RAP1A: variants seen among roughly 807,000 people sequenced by gnomAD.
The protein encoded by RAP1A is ras-related protein Rap-1A.
Under a neutral mutation model 26.4 loss-of-function variants are expected in RAP1A, and 6 were observed. That is an observed-to-expected ratio of 0.23 (90% CI 0.12 to 0.45). The LOEUF is 0.45. Among genes scored for constraint, RAP1A ranks in the 20% least tolerant of loss-of-function variants. RAP1A has a pLI of 0.99. For missense variants in RAP1A, 121 were observed against 217.2 expected (o/e 0.56, Z 2.78); for synonymous variants, 73 against 79.4 (o/e 0.92, Z 0.43).
chr1:111,658,455 AC>A (rs1233906459), intron 1 of RAP1A, among the ~76,000 whole-genome samples: 1 of 152,192 alleles, frequency 6.6e-6, no homozygotes, highest in African/African-American at 2.4e-5. Flanking sequence ...AGCTTAAAAC[AC>A]AAACACATTG....
intron 1 of RAP1A, among the ~76,000 whole-genome samples, chr1:111,631,848 A>G (rs1659577100): frequency 6.6e-6 from 1 of 152,132 alleles, no homozygotes; most frequent in Non-Finnish European, 1.5e-5. Context: ...AACACTTACA[A>G]AGTATAATTT....
intron 1 of RAP1A, among the ~76,000 whole-genome samples, chr1:111,551,769 T>TTTTC (rs1394337722): frequency 2.0e-5 from 3 of 151,712 alleles, no homozygotes; most frequent in Non-Finnish European, 2.9e-5. Context: ...TTGTTTTGTT[T>TTTTC]TTTTGAGATG....
chr1:111,675,348 T>C (rs1170139250), intron 1 of RAP1A, among the ~76,000 whole-genome samples: 4 of 152,208 alleles, frequency 2.6e-5, no homozygotes, highest in Non-Finnish European at 5.9e-5. Flanking sequence ...GGCGGGCACC[T>C]GTAGTCTCAG....
chr1:111,558,384 G>T (rs2101044107), intron 1 of RAP1A, among the ~76,000 whole-genome samples: 1 of 150,626 alleles, frequency 6.6e-6, no homozygotes, highest in African/African-American at 2.4e-5. Context: ...ACAGGGTTTT[G>T]CCATGTTGCC....
rs545874496 is a variant in RAP1A at position 111,713,933 on chromosome 1, G to C, written c.*1532G>C. 6.6e-6 allele frequency: 1 copy of C among 152,308 alleles called. No individual in the cohort carries two copies. Among genetic ancestry groups the C allele is most frequent in the Admixed American group, 6.5e-5 (1 of 15,296 alleles). The allele number at this position is 152,308 out of a possible 1,614,324, so 9.4% of individuals were successfully genotyped here. ...TTAAGGAGGAGACAGACCAGTCCTA[G>C]AAAGTCTAAGTCATTGCTCAGGGAT... On this transcript the variant is annotated 3_prime_UTR_variant, in exon 8 of 8. Coordinates refer to ENST00000369709, the MANE Select transcript of RAP1A (RefSeq NM_002884.4).
At chr1:111,573,755 T>C (rs1192965140) in intron 1 of RAP1A, among the ~76,000 whole-genome samples, 1 of 152,258 alleles carries the variant, frequency 6.6e-6, no homozygotes, top group Admixed American at 6.5e-5. Flanking sequence ...GCCACATGTA[T>C]GTCTTTTTTT....
chr1:111,661,962 G>A (rs1660651908), intron 1 of RAP1A, among the ~76,000 whole-genome samples: 1 of 151,960 alleles, frequency 6.6e-6, no homozygotes, highest in African/African-American at 2.4e-5. Context: ...TTAGCATTTG[G>A]CACAAAATCA....
At chr1:111,656,064 A>G (rs1255441054) in intron 1 of RAP1A, among the ~76,000 whole-genome samples, 2 of 152,222 alleles carry the variant, frequency 1.3e-5, no homozygotes, top group Admixed American at 1.3e-4. Flanking sequence ...ATAAAAGTGT[A>G]TTATATAAAT....
chr1:111,619,590 C>T (rs1442181563), upstream of RAP1A, among the ~76,000 whole-genome samples: 4 of 152,240 alleles, frequency 2.6e-5, no homozygotes, highest in African/African-American at 9.6e-5. Flanking sequence ...TCCCGCCCTA[C>T]GCAAAGCTAA....
At chr1:111,595,959 A>G (rs1185480745) in intron 1 of RAP1A, among the ~76,000 whole-genome samples, 1 of 152,232 alleles carries the variant, frequency 6.6e-6, no homozygotes, top group African/African-American at 2.4e-5. Context: ...GTTTGCACAT[A>G]GGACAATTAA....
At chr1:111,589,655 T>A (rs887493076) in intron 1 of RAP1A, among the ~76,000 whole-genome samples, 3 of 152,218 alleles carry the variant, frequency 2.0e-5, no homozygotes, top group Non-Finnish European at 4.4e-5. Flanking sequence ...AGTTTTCTGA[T>A]TCCTTTCAGA....
chr1:111,591,366 C>G (rs190294346), intron 1 of RAP1A, among the ~76,000 whole-genome samples: 10 of 152,070 alleles, frequency 6.6e-5, no homozygotes, highest in Admixed American at 5.9e-4. Flanking sequence ...CATTTACTTT[C>G]TTGTGTGTAT....
chr1:111,588,325 G>A (rs1658417576), intron 1 of RAP1A, among the ~76,000 whole-genome samples: 1 of 152,148 alleles, frequency 6.6e-6, no homozygotes, highest in African/African-American at 2.4e-5. Context: ...GTGGGCTGCT[G>A]GGTGTTTCTT....
At chr1:111,572,615 C>T (rs1658072752) in intron 1 of RAP1A, among the ~76,000 whole-genome samples, 2 of 152,186 alleles carry the variant, frequency 1.3e-5, no homozygotes, top group African/African-American at 4.8e-5. Context: ...CGAAGTTAGA[C>T]CTATTTATGC....
At chr1:111,651,288 C>T (rs1660259917) in intron 1 of RAP1A, among the ~76,000 whole-genome samples, 1 of 151,936 alleles carries the variant, frequency 6.6e-6, no homozygotes, top group Non-Finnish European at 1.5e-5. Flanking sequence ...AGAAGTATGT[C>T]TTTAAGTTAA....
exon 1 of RAP1A, chr1:111,542,289 C>A: frequency 1.8e-6 from 1 of 551,848 alleles, no homozygotes; most frequent in Non-Finnish European, 3.5e-6. Context: ...CCTGCCGGTT[C>A]GAACACACGC....
intron 1 of RAP1A, among the ~76,000 whole-genome samples, chr1:111,552,579 A>G (rs559726839): frequency 6.6e-6 from 1 of 152,228 alleles, no homozygotes; most frequent in African/African-American, 2.4e-5. Flanking sequence ...CTATATCCAG[A>G]AAATCACCAA....
At chr1:111,688,037 A>AG (rs1179109177) in intron 1 of RAP1A, among the ~76,000 whole-genome samples, 2 of 149,600 alleles carry the variant, frequency 1.3e-5, no homozygotes, top group Non-Finnish European at 3.0e-5. Flanking sequence ...AAAAAAAAAA[A>AG]AAAAAAAAAA....
chr1:111,665,100 A>G (rs1571542999), intron 1 of RAP1A, among the ~76,000 whole-genome samples: 1 of 152,234 alleles, frequency 6.6e-6, no homozygotes, highest in Non-Finnish European at 1.5e-5. Flanking sequence ...AATAAAAAGG[A>G]AAGAGCATTG....
Sources: gnomAD v4.1 joint callset for allele counts (sites outside exome capture counted in the v4.1 genomes callset) on GRCh38, gnomAD v4.1.1 for gene constraint, MANE v1.5 for transcripts, NCBI Gene and HGNC (gene_info 2026-07-23, HGNC 2026-07-21) for gene names.